MSI2: variants seen among roughly 807,000 people sequenced by gnomAD.
MSI2 encodes RNA-binding protein Musashi homolog 2.
A neutral mutation model predicts 45.6 loss-of-function variants in MSI2; 17 were observed. That is an observed-to-expected ratio of 0.37 (90% CI 0.26 to 0.56). The LOEUF (loss-of-function observed/expected upper bound fraction) is 0.56. Ranked by LOEUF, MSI2 falls within the 20% of genes least tolerant of loss-of-function variation. MSI2 has a pLI of 0.77. For missense variants in MSI2, 293 were observed against 444.2 expected (o/e 0.66, Z 3.06); for synonymous variants, 156 against 158.2 (o/e 0.99, Z 0.11).
At chr17:57,285,858 T>G in intron 5 of MSI2, 1 of 1,512,504 alleles carries the variant, frequency 6.6e-7, no homozygotes, top group Non-Finnish European at 8.8e-7. Context: ...TGTTGTGTAG[T>G]TCTGATTTTC....
At chr17:57,502,097 T>C (rs1363074644) in intron 6 of MSI2, among the ~76,000 whole-genome samples, 1 of 151,956 alleles carries the variant, frequency 6.6e-6, no homozygotes, top group Non-Finnish European at 1.5e-5. Flanking sequence ...CCACCAGCGA[T>C]GTGGGGCTCT....
chr17:57,373,400 T>G (rs2083449164), intron 5 of MSI2, among the ~76,000 whole-genome samples: 1 of 152,134 alleles, frequency 6.6e-6, no homozygotes, highest in African/African-American at 2.4e-5. Flanking sequence ...TTTGTGTCCT[T>G]TTTTCTTTTT....
chr17:57,370,172 A>C (rs1022362959), intron 5 of MSI2, among the ~76,000 whole-genome samples: 1 of 152,198 alleles, frequency 6.6e-6, no homozygotes, highest in African/African-American at 2.4e-5. Context: ...AGCTGAGGTT[A>C]GTGGAAGGGG....
intron 5 of MSI2, chr17:57,268,435 G>A (rs1908020421): frequency 6.6e-6 from 1 of 151,986 alleles, no homozygotes; most frequent in South Asian, 2.1e-4. Context: ...CCAAGTTTCT[G>A]CTCAGCACCG....
chr17:57,307,299 A>G (rs1912003378), intron 5 of MSI2, among the ~76,000 whole-genome samples: 1 of 152,194 alleles, frequency 6.6e-6, no homozygotes, highest in African/African-American at 2.4e-5. Flanking sequence ...CATGGGCAGG[A>G]GTCACCCAGT....
chr17:57,402,510 G>A (rs1383764050), intron 6 of MSI2, among the ~76,000 whole-genome samples: 1 of 152,184 alleles, frequency 6.6e-6, no homozygotes, highest in Non-Finnish European at 1.5e-5. Flanking sequence ...GATGGGTGTC[G>A]TGCTTGCCAT....
intron 5 of MSI2, among the ~76,000 whole-genome samples, chr17:57,320,743 A>C (rs912736271): frequency 6.6e-6 from 1 of 152,182 alleles, no homozygotes; most frequent in East Asian, 1.9e-4. Flanking sequence ...CTTAGGGTAC[A>C]TACAGAAAGA....
intron 8 of MSI2, among the ~76,000 whole-genome samples, chr17:57,603,219 C>T (rs144335752): frequency 2.0e-5 from 3 of 152,346 alleles, no homozygotes; most frequent in Non-Finnish European, 4.4e-5. Context: ...CCATGCCCTA[C>T]CCCTCTGGGT....
rs149353414 is a variant in MSI2 at position 57,280,181 on chromosome 17, G to A, written c.312+17989G>A. On this transcript the variant is annotated intron_variant, in intron 5 of 13. Coordinates refer to ENST00000284073, the MANE Select transcript of MSI2 (RefSeq NM_138962.4). This position sits in a 1 kb window ranked among gnomAD's most constrained non-coding sequence, Gnocchi z 4.2. ...GAGTGAGGAGGACAGGGGGACAGGC[G>A]AGGTCACACTTGCGTTGGCGGGGAT... 5.1e-3 allele frequency among the ~76,000 whole-genome samples: 772 copies of A among 152,166 alleles called. 4 individuals carry two copies. The highest frequency in any genetic ancestry group is 7.8e-3 in the Non-Finnish European group (530 of 67,990).
intron 7 of MSI2, among the ~76,000 whole-genome samples, chr17:57,530,772 A>C (rs2086805493): frequency 6.6e-6 from 1 of 152,174 alleles, no homozygotes; most frequent in Non-Finnish European, 1.5e-5. Flanking sequence ...TGTTTGGAGA[A>C]GGCAGAGTGA....
intron 5 of MSI2, among the ~76,000 whole-genome samples, chr17:57,342,147 G>A (rs1368872603): frequency 6.6e-6 from 1 of 152,230 alleles, no homozygotes; most frequent in Non-Finnish European, 1.5e-5. Flanking sequence ...CCCGTAATGA[G>A]AATGTGGGAG....
At chr17:57,557,318 A>G (rs1014169362) in intron 7 of MSI2, among the ~76,000 whole-genome samples, 1 of 152,218 alleles carries the variant, frequency 6.6e-6, no homozygotes, top group Non-Finnish European at 1.5e-5. Flanking sequence ...GAGTCCAGGA[A>G]TATTCCACAC....
chr17:57,450,259 G>GAAAGAAAGAAAGAAAGAAAGA (rs1555607202), intron 6 of MSI2: 344 of 11,510 alleles, frequency 0.03, 9 homozygotes, highest in Non-Finnish European at 0.086. Flanking sequence ...CCAGCTTAAA[G>GAAAGAAAGAAAGAAAGAAAGA]AAAGAAAGAA....
In MSI2 at chr17:57,665,077, C is replaced by G. The variant is rs371341384; in HGVS notation, c.791-9895C>G. Among the ~76,000 whole-genome samples the G allele has an allele frequency of 2.0e-5, 3 of 152,342 alleles. No homozygotes were observed. In the East Asian group the frequency reaches 5.8e-4, roughly 29 times the overall value. ...TCACTGGTACCCCAGCCTCCTCTAA[C>G]TGGGAGGTGGGGAGGTGGGGCTGGG... On this transcript the variant is annotated intron_variant, in intron 11 of 13. Coordinates refer to ENST00000284073, the MANE Select transcript of MSI2 (RefSeq NM_138962.4).
intron 10 of MSI2, chr17:57,633,317 G>A (rs563892192): frequency 2.5e-5 from 10 of 399,604 alleles, no homozygotes; most frequent in South Asian, 1.1e-4. Context: ...CCTGGCTGCC[G>A]CCTGTTCCCA....
rs930906702 is a variant in MSI2 at position 57,288,369 on chromosome 17, C to G, written c.312+26177C>G. 3.9e-5 allele frequency among the ~76,000 whole-genome samples: 6 copies of G among 152,136 alleles called. No individual in the cohort carries two copies. In the East Asian group the frequency reaches 5.8e-4, roughly 15 times the overall value. ...CACCATTGATTTTACTGCTTTGGAC[C>G]GAGAGGCCCGAGTGTGCTGTTTAGC... On this transcript the variant is annotated intron_variant, in intron 5 of 13. Transcript: ENST00000284073.
At chr17:57,617,045 A>G (rs536683331) in intron 9 of MSI2, among the ~76,000 whole-genome samples, 66 of 152,196 alleles carry the variant, frequency 4.3e-4, no homozygotes, top group Non-Finnish European at 3.4e-4. Context: ...ATATTTTCAG[A>G]TTTGCTGCTG....
chr17:57,543,554 A>T (rs1469373370), intron 7 of MSI2, among the ~76,000 whole-genome samples: 4 of 152,188 alleles, frequency 2.6e-5, no homozygotes, highest in African/African-American at 9.7e-5. Context: ...CCCCACTTCC[A>T]AAATCACTAG....
At chr17:57,526,596 A>T (rs1362473540) in intron 6 of MSI2, among the ~76,000 whole-genome samples, 1 of 151,984 alleles carries the variant, frequency 6.6e-6, no homozygotes, top group Non-Finnish European at 1.5e-5. Context: ...TTTTCATTCT[A>T]TTCAGTCTTT....
Sources: allele counts gnomAD v4.1 joint callset (sites outside exome capture counted in the v4.1 genomes callset), GRCh38; gene constraint gnomAD v4.1.1; non-coding constraint Gnocchi (gnomAD v3.1); transcripts MANE v1.5; gene names NCBI Gene and HGNC (gene_info 2026-07-23, HGNC 2026-07-21).